Variants in FCHSD2 observed in about 807,000 individuals in gnomAD.
FCHSD2 encodes F-BAR and double SH3 domains protein 2.
A neutral mutation model predicts 108.1 loss-of-function variants in FCHSD2; 38 were observed. The observed-to-expected ratio is 0.35, with a 90% CI of 0.27 to 0.46. The LOEUF (loss-of-function observed/expected upper bound fraction) is 0.46, where lower values mean the gene tolerates loss of function less well. FCHSD2 is among the 20% of genes least tolerant of loss of function. The pLI, the probability that FCHSD2 is intolerant of heterozygous loss-of-function variation, is 1.00. For missense variants in FCHSD2, 751 were observed against 897.8 expected, an observed-to-expected ratio of 0.84 and a Z score of 2.09; for synonymous variants, 279 against 314.7, an observed-to-expected ratio of 0.89 and a Z score of 1.20.
chr11:73,115,996 G>T (rs887552334), intron 2 of FCHSD2, among the ~76,000 whole-genome samples: 10 of 152,220 alleles, frequency 6.6e-5, no homozygotes, highest in African/African-American at 2.4e-4. Flanking sequence ...GCACAACTGT[G>T]TTATCCACGA....
intron 2 of FCHSD2, among the ~76,000 whole-genome samples, chr11:73,130,005 C>A (rs1011426476): frequency 6.6e-6 from 1 of 151,544 alleles, no homozygotes; most frequent in Admixed American, 6.6e-5. Context: ...TAGCCCCCAC[C>A]GAGTAGCTGG....
chr11:72,884,440 G>C (rs955475131), intron 12 of FCHSD2, among the ~76,000 whole-genome samples: 2 of 150,924 alleles, frequency 1.3e-5, no homozygotes, highest in Non-Finnish European at 2.9e-5. Context: ...AACAGGCCCA[G>C]AGGTAATATA....
chr11:72,973,989 C>T (rs1384412672), intron 8 of FCHSD2, among the ~76,000 whole-genome samples: 4 of 145,694 alleles, frequency 2.7e-5, no homozygotes, highest in Non-Finnish European at 5.9e-5. Flanking sequence ...AATGAAGGAG[C>T]AATTAATTGT....
At chr11:72,886,966 A>G (rs1855210871) in intron 12 of FCHSD2, among the ~76,000 whole-genome samples, 1 of 152,036 alleles carries the variant, frequency 6.6e-6, no homozygotes, top group Admixed American at 6.5e-5. Context: ...CCACTATTAT[A>G]AATTTTTTCC....
At chr11:73,064,452 G>T (rs1859241776) in intron 3 of FCHSD2, among the ~76,000 whole-genome samples, 1 of 151,424 alleles carries the variant, frequency 6.6e-6, no homozygotes, top group African/African-American at 2.4e-5. Context: ...AGAACTGAAG[G>T]AGATAGAAAC....
chr11:73,037,277 A>T (rs1858521388), intron 3 of FCHSD2, among the ~76,000 whole-genome samples: 2 of 152,172 alleles, frequency 1.3e-5, no homozygotes, highest in Non-Finnish European at 2.9e-5. Context: ...ACCTACACTG[A>T]CACATAACAC....
chr11:72,866,770 A>C (rs1854736633), intron 13 of FCHSD2, among the ~76,000 whole-genome samples: 1 of 152,254 alleles, frequency 6.6e-6, no homozygotes, highest in Admixed American at 6.5e-5. Context: ...GAAAATTAGA[A>C]TGCTATGTGA....
chr11:73,042,416 T>C (rs116539912), intron 3 of FCHSD2, among the ~76,000 whole-genome samples: 2 of 152,332 alleles, frequency 1.3e-5, no homozygotes, highest in South Asian at 2.1e-4. Flanking sequence ...CATTGTTCTA[T>C]GTGTCTGTAT....
At chr11:73,120,435 A>G (rs2135557330) in intron 2 of FCHSD2, among the ~76,000 whole-genome samples, 1 of 152,332 alleles carries the variant, frequency 6.6e-6, no homozygotes, top group East Asian at 1.9e-4. Context: ...AGGCTCAGAA[A>G]CATATGAAGA....
At chr11:72,851,680 T>G (rs1465258226) in intron 13 of FCHSD2, among the ~76,000 whole-genome samples, 1 of 151,982 alleles carries the variant, frequency 6.6e-6, no homozygotes, top group Non-Finnish European at 1.5e-5. Context: ...GAGGCAGAGG[T>G]TGCAGTGAGC....
At chr11:72,937,885 G>A (rs954485428) in intron 8 of FCHSD2, among the ~76,000 whole-genome samples, 4 of 152,180 alleles carry the variant, frequency 2.6e-5, no homozygotes, top group African/African-American at 9.7e-5. Flanking sequence ...TAGGCACCAT[G>A]GGAAATACAG....
At chr11:73,013,096 C>T (rs560790418) in intron 4 of FCHSD2, among the ~76,000 whole-genome samples, 9 of 152,280 alleles carry the variant, frequency 5.9e-5, no homozygotes, top group East Asian at 3.9e-4. Flanking sequence ...ACCTCCATTA[C>T]GTTCTGAATA....
At chr11:72,985,020 A>G (rs1337979395) in intron 7 of FCHSD2, 42 bp downstream of exon 7, 2 of 798,482 alleles carry the variant, frequency 2.5e-6, no homozygotes, top group Non-Finnish European at 4.3e-6. Flanking sequence ...TTTACAAGCT[A>G]AGAGGTTTCT....
At chr11:72,929,424 G>A (rs906377111) in intron 8 of FCHSD2, among the ~76,000 whole-genome samples, 2 of 152,192 alleles carry the variant, frequency 1.3e-5, no homozygotes, top group African/African-American at 4.8e-5. Flanking sequence ...CTCATTTTCT[G>A]GTGGGTAAGA....
intron 5 of FCHSD2, among the ~76,000 whole-genome samples, chr11:72,993,451 C>T (rs1044871290): frequency 1.2e-4 from 18 of 152,168 alleles, no homozygotes; most frequent in Non-Finnish European, 2.6e-4. Flanking sequence ...TATAGAGACA[C>T]ATGCACACAT....
intron 3 of FCHSD2, among the ~76,000 whole-genome samples, chr11:73,053,379 C>T (rs1858947905): frequency 6.6e-6 from 1 of 151,972 alleles, no homozygotes; most frequent in Non-Finnish European, 1.5e-5. Flanking sequence ...GAATTGACTA[C>T]TAATGAAAGA....
chr11:72,936,054 C>G (rs978201951), intron 8 of FCHSD2, among the ~76,000 whole-genome samples: 1 of 152,222 alleles, frequency 6.6e-6, no homozygotes, highest in Admixed American at 6.5e-5. Flanking sequence ...ACCCTATATA[C>G]TTTCATTCAA....
At chr11:72,991,473 G>A (rs954376403) in intron 5 of FCHSD2, among the ~76,000 whole-genome samples, 1 of 152,120 alleles carries the variant, frequency 6.6e-6, no homozygotes, top group Non-Finnish European at 1.5e-5. Flanking sequence ...ATAAAATACT[G>A]GCAAACCAAA....
chr11:73,031,799 G>T (rs1380346903), intron 3 of FCHSD2, among the ~76,000 whole-genome samples: 1 of 152,116 alleles, frequency 6.6e-6, no homozygotes, highest in Non-Finnish European at 1.5e-5. Flanking sequence ...GGTAAGAGCT[G>T]GCACAGCAGC....
Sources: allele counts gnomAD v4.1 joint callset (sites outside exome capture counted in the v4.1 genomes callset), GRCh38; gene constraint gnomAD v4.1.1; transcripts MANE v1.5; gene names NCBI Gene and HGNC (gene_info 2026-07-23, HGNC 2026-07-21).